Variants in TG observed in about 807,000 individuals in gnomAD.
The protein encoded by TG is thyroid hormones.
In TG, 270 loss-of-function variants were observed where a neutral mutation model predicts 324.7. The observed-to-expected ratio is 0.83, with a 90% CI of 0.75 to 0.92. TG has a LOEUF of 0.92. TG is among the 40% of genes least tolerant of loss of function. The pLI, the probability that TG is intolerant of heterozygous loss-of-function variation, is 0.00. For missense variants in TG, 3,591 were observed against 3,456.4 expected, an observed-to-expected ratio of 1.04 and a Z score of -0.98; for synonymous variants, 1,401 against 1,327.0, an observed-to-expected ratio of 1.06 and a Z score of -1.21.
intron 10 of TG, among the ~76,000 whole-genome samples, chr8:132,892,433 G>C (rs1285221927): frequency 6.6e-6 from 1 of 152,140 alleles, no homozygotes; most frequent in African/African-American, 2.4e-5. Context: ...TATTTTATTG[G>C]GCTGTTGCAT....
intron 41 of TG, among the ~76,000 whole-genome samples, chr8:133,061,090 C>T (rs1842308071): frequency 6.6e-6 from 1 of 152,236 alleles, no homozygotes; most frequent in South Asian, 2.1e-4. Flanking sequence ...CGGCTCACTG[C>T]AACCCTGCCT....
At chr8:132,925,552 T>TGTGTGTG (rs60544202) in intron 22 of TG, among the ~76,000 whole-genome samples, 16 of 151,360 alleles carry the variant, frequency 1.1e-4, no homozygotes, top group South Asian at 2.1e-4. Flanking sequence ...TGTGTGTGTG[T>TGTGTGTG]TCTTGAATAA....
chr8:133,055,351 A>ATG (rs1564126146), intron 41 of TG, among the ~76,000 whole-genome samples: 6 of 82,030 alleles, frequency 7.3e-5, no homozygotes, highest in Admixed American at 5.0e-4. Context: ...TTCAGGACAC[A>ATG]CACACGCACG....
At chr8:132,903,235 A>G (rs1274849651) in intron 16 of TG, among the ~76,000 whole-genome samples, 2 of 152,224 alleles carry the variant, frequency 1.3e-5, no homozygotes, top group African/African-American at 4.8e-5. Context: ...TCATTGGCTG[A>G]GTTGTTTTTA....
intron 37 of TG, among the ~76,000 whole-genome samples, chr8:133,016,937 C>A (rs893600647): frequency 7.2e-5 from 11 of 152,188 alleles, no homozygotes; most frequent in Non-Finnish European, 1.6e-4. Context: ...GCATGGCAGG[C>A]GGCACCAGTG....
chr8:132,941,075 G>A (rs1415494433), intron 25 of TG, among the ~76,000 whole-genome samples: 3 of 152,140 alleles, frequency 2.0e-5, no homozygotes, highest in Non-Finnish European at 2.9e-5. Context: ...AAAATATATG[G>A]CCATTTTCTA....
intron 35 of TG, among the ~76,000 whole-genome samples, chr8:132,985,880 T>G (rs73708806): frequency 0.021 from 3,219 of 152,270 alleles, 89 homozygotes; most frequent in African/African-American, 0.071. Flanking sequence ...GTTTCCTTTT[T>G]TCCTTGTTCT....
intron 41 of TG, among the ~76,000 whole-genome samples, chr8:133,057,253 T>G (rs770546099): frequency 1.3e-4 from 20 of 151,552 alleles, no homozygotes; most frequent in Non-Finnish European, 2.8e-4. Flanking sequence ...AGAGACAGAG[T>G]GCTCATTTTA....
chr8:132,979,277 T>C (rs1830540850), intron 34 of TG, among the ~76,000 whole-genome samples: 1 of 152,208 alleles, frequency 6.6e-6, no homozygotes, highest in Non-Finnish European at 1.5e-5. Context: ...GCCCATCTTA[T>C]CTGCAGCTGT....
At chr8:133,096,585 TG>T (rs1376805584) in intron 43 of TG, among the ~76,000 whole-genome samples, 1 of 152,196 alleles carries the variant, frequency 6.6e-6, no homozygotes, top group African/African-American at 2.4e-5. Flanking sequence ...AAATTACAGC[TG>T]TGAATGAATC....
chr8:133,004,756 G>A (rs1020082213), intron 35 of TG, among the ~76,000 whole-genome samples: 44 of 152,174 alleles, frequency 2.9e-4, no homozygotes, highest in African/African-American at 1.1e-3. Context: ...GTACCCTGGA[G>A]GACCATAGGT....
At chr8:133,002,120 G>A (rs1171491069) in intron 35 of TG, 6 of 985,264 alleles carry the variant, frequency 6.1e-6, no homozygotes, top group Admixed American at 1.2e-4. Flanking sequence ...ATTTGCTGCC[G>A]GTTTGACATT....
chr8:133,128,337 GCACACACACA>G (rs59451880), intron 45 of TG, among the ~76,000 whole-genome samples: 5,443 of 133,722 alleles, frequency 0.041, 295 homozygotes, highest in African/African-American at 0.13. Flanking sequence ...CAAAAGGCGT[GCACACACACA>G]CACACACACA....
chr8:133,002,064 A>G (rs887846649), intron 35 of TG: 4 of 985,426 alleles, frequency 4.1e-6, no homozygotes, highest in African/African-American at 3.5e-5. Context: ...TATACAATAA[A>G]TGGGATGGGT....
At chr8:133,121,836 C>T (rs1370940556) in intron 45 of TG, among the ~76,000 whole-genome samples, 1 of 149,340 alleles carries the variant, frequency 6.7e-6, no homozygotes, top group Non-Finnish European at 1.5e-5. Flanking sequence ...GATGTCTCCT[C>T]TCTCCATCAC....
intron 40 of TG, 46 bp from the exon 41 acceptor site, chr8:133,029,775 A>C: frequency 1.2e-6 from 2 of 1,611,718 alleles, no homozygotes; most frequent in Non-Finnish European, 1.7e-6. Flanking sequence ...TTCAAATCCA[A>C]GGTTGTAAAG....
chr8:132,887,501 G>C lies in TG; in HGVS notation c.2129G>C (p.Gly710Ala). Reference sequence around the variant, plus strand: ...GAGTGCTACTGTGTTGATGCTGAGGGTCAGGCCATTCCTGGAACTCGAAGT... The same window carrying C: ...GAGTGCTACTGTGTTGATGCTGAGGCTCAGGCCATTCCTGGAACTCGAAGT... Reference protein sequence around the residue: ...NSECYCVDAEGQAIPGTRSAI... With the variant: ...NSECYCVDAEAQAIPGTRSAI... Residue 710 changes from glycine to alanine, a missense_variant, in exon 9 of 48, where the codon GGT becomes GCT. Coordinates refer to ENST00000220616, the MANE Select transcript of TG (RefSeq NM_003235.5). The C allele has an allele frequency of 1.2e-6, 2 of 1,614,192 alleles. No individual in the cohort carries two copies. The highest frequency in any genetic ancestry group is 1.7e-6 in the Non-Finnish European group (2 of 1,180,052).
intron 27 of TG, among the ~76,000 whole-genome samples, chr8:132,957,565 TACTC>T (rs929498934): frequency 4.6e-5 from 7 of 151,720 alleles, no homozygotes; most frequent in Non-Finnish European, 7.4e-5. Context: ...GAGAGTGAAA[TACTC>T]ACCACCAATT....
intron 31 of TG, among the ~76,000 whole-genome samples, chr8:132,968,373 C>T (rs1278902344): frequency 3.3e-5 from 5 of 152,158 alleles, no homozygotes; most frequent in Non-Finnish European, 7.3e-5. Flanking sequence ...CTAAGACAGC[C>T]ACCTTTAATA....
Sources: allele counts gnomAD v4.1 joint callset (sites outside exome capture counted in the v4.1 genomes callset), GRCh38; gene constraint gnomAD v4.1.1; transcripts MANE v1.5; gene names NCBI Gene and HGNC (gene_info 2026-07-23, HGNC 2026-07-21).